ALKBH5: variants seen among roughly 807,000 people sequenced by gnomAD.
The protein encoded by ALKBH5 is RNA demethylase ALKBH5.
In ALKBH5, 2 loss-of-function variants were observed where a neutral mutation model predicts 32.1. The ratio of observed to expected loss-of-function variants is 0.06; its 90% CI spans 0.03 to 0.20. The LOEUF (loss-of-function observed/expected upper bound fraction) is 0.20. ALKBH5 is among the 10% of genes least tolerant of loss of function. The probability of loss-of-function intolerance (pLI) is 1.00; values close to 1 mark genes in which losing one functional copy is unlikely to be tolerated. For missense variants in ALKBH5, 352 were observed against 559.5 expected (o/e 0.63, Z 3.74); for synonymous variants, 300 against 231.7 (o/e 1.29, Z -2.68).
chr17:18,187,354 A>G (rs1277491177), intron 1 of ALKBH5, among the ~76,000 whole-genome samples: 1 of 152,100 alleles, frequency 6.6e-6, no homozygotes, highest in Non-Finnish European at 1.5e-5. Flanking sequence ...GATGGAGTTC[A>G]TTAGTAGAGA....
intron 1 of ALKBH5, among the ~76,000 whole-genome samples, chr17:18,187,826 A>G (rs1343387597): frequency 2.0e-5 from 3 of 152,212 alleles, no homozygotes; most frequent in African/African-American, 7.2e-5. Flanking sequence ...TGGTGAAAAC[A>G]GTGGTGCGGT....
In ALKBH5 at chr17:18,184,146, AC is replaced by A; in HGVS notation, c.-92del. 6 of 1,098,920 alleles carry A rather than the reference AC, an allele frequency of 5.5e-6. No individual in the cohort carries two copies. Among genetic ancestry groups the A allele is most frequent in the South Asian group, 1.5e-5 (1 of 66,496 alleles). The allele number at this position is 1,098,920 out of a possible 1,614,324, so 68.1% of individuals were successfully genotyped here. A position where few individuals can be genotyped will look rare whatever the true frequency, so the allele number is the denominator to read the frequency against. On this transcript the variant is annotated 5_prime_UTR_variant, in exon 1 of 4. Coordinates refer to ENST00000399138, the MANE Select transcript of ALKBH5 (RefSeq NM_017758.4). ...CACGCATGGGGGTTCGGCGCTAAGG[AC>A]CCCCCTCCCTCCGGGGGCCCCGGGG...
At chr17:18,199,827 C>T (rs951483573) in intron 2 of ALKBH5, among the ~76,000 whole-genome samples, 8 of 152,088 alleles carry the variant, frequency 5.3e-5, no homozygotes, top group African/African-American at 1.2e-4. Context: ...AAACCCAGGC[C>T]GGTCGTGGTG....
intron 2 of ALKBH5, among the ~76,000 whole-genome samples, chr17:18,203,398 C>CT (rs1339755680): frequency 2.0e-5 from 3 of 152,234 alleles, no homozygotes; most frequent in Non-Finnish European, 4.4e-5. Flanking sequence ...TCGGTTCACA[C>CT]TTTAGTGCTA....
intron 1 of ALKBH5, 44 bp downstream of exon 1, chr17:18,185,057 T>C: frequency 6.3e-7 from 1 of 1,576,988 alleles, no homozygotes; most frequent in Non-Finnish European, 8.6e-7. Context: ...CCTGCTGCCT[T>C]AGCTACCCAC....
chr17:18,203,862 A>C (rs919501670), intron 2 of ALKBH5, among the ~76,000 whole-genome samples: 3 of 152,084 alleles, frequency 2.0e-5, no homozygotes, highest in African/African-American at 7.2e-5. Context: ...ATGTGTCAAG[A>C]GCTCTCATCT....
rs1340938063 is a variant in ALKBH5, at chr17:18,208,161, A to G, written c.1008-58A>G. On this transcript the variant is annotated intron_variant, in intron 3 of 3. Transcript: ENST00000399138. Reference sequence around the variant, plus strand: ...CAAGGATGAGACGAGGTACAGCGGTAAAGCCAGGCGCCTCCTGCCAGCCTC... The same window carrying G: ...CAAGGATGAGACGAGGTACAGCGGTGAAGCCAGGCGCCTCCTGCCAGCCTC... 5.2e-6 allele frequency: 8 copies of G among 1,542,292 alleles called. No individual in the cohort carries two copies. The Admixed American group carries it at 1.6e-4, about 30-fold the overall frequency.
intron 2 of ALKBH5, among the ~76,000 whole-genome samples, chr17:18,202,287 G>A (rs1189771871): frequency 2.0e-5 from 3 of 152,022 alleles, no homozygotes; most frequent in South Asian, 2.1e-4. Context: ...CAACCTGGGC[G>A]ACAGAGCGAG....
rs757592449 is a variant in ALKBH5, at chr17:18,208,221, C to T, written c.1010C>T (p.Pro337Leu). The T allele has an allele frequency of 1.6e-5, 26 of 1,604,552 alleles. No homozygotes were observed. Among genetic ancestry groups the T allele is most frequent in the Admixed American group, 1.7e-5 (1 of 58,414 alleles). The change falls in exon 4 of 4, where the codon CCA becomes CTA. Residue 337 changes from proline (P) to leucine (L), a missense_variant and splice_region_variant. By Grantham distance (98) the Pro-to-Leu change is moderately conservative (BLOSUM62 -3). Transcript: ENST00000399138. ...RKADPDAAHR[P>L]RILEMDKEEN... ...GTCCTACCTCCCTTTCCTTGCAGGC[C>T]ACGGATCCTGGAGATGGACAAGGAA...
At chr17:18,190,523 T>G (rs2047167227) in intron 1 of ALKBH5, among the ~76,000 whole-genome samples, 1 of 139,616 alleles carries the variant, frequency 7.2e-6, no homozygotes, top group Non-Finnish European at 1.5e-5. Flanking sequence ...CATTCCAGCC[T>G]AGGCAACAGA....
At position 18,184,242 on chromosome 17, in the gene ALKBH5, C is replaced by T; in HGVS notation, c.-2C>T. On this transcript the variant is annotated 5_prime_UTR_variant, in exon 1 of 4. Transcript: ENST00000399138. Reference sequence around the variant, plus strand: ...GGACCCTAGAGCAGCGTCGTGGGGGCCATGGCGGCCGCCAGCGGCTACACG... The same window carrying T: ...GGACCCTAGAGCAGCGTCGTGGGGGTCATGGCGGCCGCCAGCGGCTACACG... 6.6e-7 allele frequency: 1 copy of T among 1,514,004 alleles called. No homozygotes were observed. The highest frequency in any genetic ancestry group is 1.2e-5 in the South Asian group (1 of 81,156). The allele number at this position is 1,514,004 out of a possible 1,614,324, so 93.8% of individuals were successfully genotyped here.
chr17:18,202,302 C>T (rs919223031), intron 2 of ALKBH5, among the ~76,000 whole-genome samples: 3 of 151,618 alleles, frequency 2.0e-5, no homozygotes, highest in East Asian at 1.9e-4. Flanking sequence ...AGCGAGACTC[C>T]GACTCAAAAC....
chr17:18,203,073 A>T (rs995871547), intron 2 of ALKBH5, among the ~76,000 whole-genome samples: 19 of 84,074 alleles, frequency 2.3e-4, no homozygotes, highest in African/African-American at 3.9e-4. Flanking sequence ...TTGTCTTTTA[A>T]AAAAAAAAAA....
rs937948665 is a variant in ALKBH5, at chr17:18,194,936, G to A, written c.771-19G>A. The A allele has an allele frequency of 2.5e-6, 4 of 1,612,982 alleles. No individual in the cohort carries two copies. Among genetic ancestry groups the A allele is most frequent in the Non-Finnish European group, 1.7e-6 (2 of 1,179,372 alleles). On this transcript the variant is annotated intron_variant, in intron 1 of 3. Coordinates refer to ENST00000399138, the MANE Select transcript of ALKBH5 (RefSeq NM_017758.4). Reference sequence around the variant, plus strand: ...GTCTGTCTACTCTTCATGGTCACATGTTCTGTGTTTCTTTTCAGTGGATAT... The same window carrying A: ...GTCTGTCTACTCTTCATGGTCACATATTCTGTGTTTCTTTTCAGTGGATAT...
chr17:18,194,774 C>T (rs1033196735), intron 1 of ALKBH5, among the ~76,000 whole-genome samples, 181 bp from the exon 2 acceptor site: 5 of 152,164 alleles, frequency 3.3e-5, no homozygotes, highest in Non-Finnish European at 5.9e-5. Context: ...ATTACAGTCT[C>T]TTGGCAAAAG....
chr17:18,201,107 A>T (rs1349866090), intron 2 of ALKBH5, among the ~76,000 whole-genome samples: 1 of 152,106 alleles, frequency 6.6e-6, no homozygotes, highest in Non-Finnish European at 1.5e-5. Context: ...TGGAGGTCTC[A>T]TTCTGGACCT....
At chr17:18,197,866 G>A (rs2047213167) in intron 2 of ALKBH5, among the ~76,000 whole-genome samples, 1 of 152,190 alleles carries the variant, frequency 6.6e-6, no homozygotes, top group African/African-American at 2.4e-5. Flanking sequence ...TGGTGTAAGG[G>A]GACTGGAGAA....
intron 1 of ALKBH5, among the ~76,000 whole-genome samples, chr17:18,186,172 C>T (rs1359750048): frequency 6.6e-6 from 1 of 152,198 alleles, no homozygotes; most frequent in Admixed American, 6.5e-5. Flanking sequence ...TCCAAGACGT[C>T]CTGGTGGGAA....
At position 18,208,335 on chromosome 17, in the gene ALKBH5, C is replaced by T. The variant is rs1193352172; in HGVS notation, c.1124C>T (p.Ser375Leu). 22 of 1,613,980 alleles carry T rather than the reference C, an allele frequency of 1.4e-5. No individual in the cohort carries two copies. Among genetic ancestry groups the T allele is most frequent in the Non-Finnish European group, 1.9e-5 (22 of 1,180,014 alleles). The change falls in exon 4 of 4, where the codon TCA becomes TTA. Residue 375 changes from serine (S) to leucine (L), a missense_variant. Physicochemically the swap from Ser to Leu is moderately radical, Grantham distance 145. Coordinates refer to ENST00000399138, the MANE Select transcript of ALKBH5 (RefSeq NM_017758.4). Reference sequence around the variant, plus strand: ...TACTGGCGCAAGTCATACGAGTCCTCAGAGGACTGCTCTGAGGCAGCAGGC... The same window carrying T: ...TACTGGCGCAAGTCATACGAGTCCTTAGAGGACTGCTCTGAGGCAGCAGGC... ...ENYWRKSYES[S>L]EDCSEAAGSP... is the part of the protein sequence containing the mutation.
Sources: gnomAD v4.1 joint callset for allele counts (sites outside exome capture counted in the v4.1 genomes callset) on GRCh38, gnomAD v4.1.1 for gene constraint, MANE v1.5 for transcripts, NCBI Gene and HGNC (gene_info 2026-07-23, HGNC 2026-07-21) for gene names.